PCNT: variants seen among roughly 807,000 people sequenced by gnomAD.
PCNT encodes the protein pericentrin, also known as kendrin.
In PCNT, 319 loss-of-function variants were observed where a neutral mutation model predicts 380.4. The ratio of observed to expected loss-of-function variants is 0.84; its 90% CI spans 0.77 to 0.92. The LOEUF is 0.92. Ranked by LOEUF, PCNT falls within the 40% of genes least tolerant of loss-of-function variation. The pLI is 0.00. For missense variants in PCNT, 4,400 were observed against 4,255.3 expected, an observed-to-expected ratio of 1.03 and a Z score of -0.95; for synonymous variants, 1,845 against 1,735.2, an observed-to-expected ratio of 1.06 and a Z score of -1.57.
In PCNT at chr21:46,385,841, C is replaced by G. The variant is rs2085810535; in HGVS notation, c.3322C>G (p.Gln1108Glu). 6.2e-7 allele frequency: 1 copy of G among 1,614,050 alleles called. No homozygotes were observed. The highest frequency in any genetic ancestry group is 1.1e-5 in the South Asian group (1 of 91,080). The change falls in exon 17 of 47, where the codon CAG (glutamine) becomes GAG (glutamate). Residue 1108 changes from glutamine to glutamate, a missense_variant. Gln to Glu is a conservative substitution (Grantham distance 29). Coordinates refer to ENST00000359568, the MANE Select transcript of PCNT (RefSeq NM_006031.6). ...KNHQVQQLKD[Q>E]VLSLSHEIEE... is the part of the protein sequence containing the mutation. ...CCATTTTTCTCGATAGCTGAAAGAC[C>G]AGGTTTTATCCTTAAGTCACGAGAT...
At chr21:46,357,945 A>G (rs2084536358) in intron 13 of PCNT, among the ~76,000 whole-genome samples, 1 of 152,258 alleles carries the variant, frequency 6.6e-6, no homozygotes, top group South Asian at 2.1e-4. Context: ...GGACACTGCC[A>G]TGCTGTCATA....
At chr21:46,372,632 C>T (rs1175631674) in intron 15 of PCNT, among the ~76,000 whole-genome samples, 1 of 152,206 alleles carries the variant, frequency 6.6e-6, no homozygotes, top group Non-Finnish European at 1.5e-5. Flanking sequence ...TAAACAAGGA[C>T]ATGCTAAGAT....
At chr21:46,368,203 T>C (rs2084993851) in intron 15 of PCNT, among the ~76,000 whole-genome samples, 1 of 151,906 alleles carries the variant, frequency 6.6e-6, no homozygotes, top group Admixed American at 6.6e-5. Context: ...CCCAGCACTT[T>C]GGGAGGCCAA....
At chr21:46,438,029 C>A in intron 40 of PCNT, 135 bp from the exon 41 acceptor site, 1 of 753,014 alleles carries the variant, frequency 1.3e-6, no homozygotes, top group Non-Finnish European at 2.2e-6. Context: ...CAATTTTCTG[C>A]CAGCTCCACA....
At chr21:46,364,581 G>A (rs1457403740) in intron 14 of PCNT, among the ~76,000 whole-genome samples, 2 of 152,222 alleles carry the variant, frequency 1.3e-5, no homozygotes, top group Non-Finnish European at 2.9e-5. Context: ...ACTTAAACAG[G>A]TGATTTTTAA....
intron 2 of PCNT, among the ~76,000 whole-genome samples, chr21:46,328,157 T>G (rs1175329203): frequency 6.6e-6 from 1 of 152,206 alleles, no homozygotes; most frequent in Admixed American, 6.5e-5. Flanking sequence ...CTTAAAAAAT[T>G]GAGTTGTTGG....
At chr21:46,355,967 T>C (rs1038285626) in intron 12 of PCNT, among the ~76,000 whole-genome samples, 1 of 152,096 alleles carries the variant, frequency 6.6e-6, no homozygotes, top group African/African-American at 2.4e-5. Flanking sequence ...CAGGGGAGGC[T>C]TTTCCAGGAT....
chr21:46,361,356 A>G (rs2084709793), intron 13 of PCNT, among the ~76,000 whole-genome samples: 1 of 152,280 alleles, frequency 6.6e-6, no homozygotes, highest in African/African-American at 2.4e-5. Flanking sequence ...ACGCCACTGC[A>G]TTCCAGCCTG....
At chr21:46,430,465 C>G (rs1187082406) in intron 36 of PCNT, 42 bp from the exon 37 acceptor site, 2 of 1,548,786 alleles carry the variant, frequency 1.3e-6, no homozygotes, top group South Asian at 2.4e-5. Flanking sequence ...GGAACACACT[C>G]TGGCCCACGT....
In PCNT at chr21:46,385,862, G is replaced by A. The variant is rs754952117; in HGVS notation, c.3343G>A (p.Glu1115Lys). 1 of 1,614,162 alleles carries A rather than the reference G, an allele frequency of 6.2e-7. No individual in the cohort carries two copies. The change falls in exon 17 of 47, where the codon GAG becomes AAG. Residue 1115 changes from glutamate to lysine, a missense_variant. Physicochemically the swap from Glu to Lys is moderately conservative, Grantham distance 56. Transcript: ENST00000359568. ...AGACCAGGTTTTATCCTTAAGTCACGAGATAGAAGAGTGCCGCTCCGAGTT... is the reference window on the plus strand; with the variant it reads ...AGACCAGGTTTTATCCTTAAGTCACAAGATAGAAGAGTGCCGCTCCGAGTT... ...LKDQVLSLSHEIEECRSELEV... is the reference protein window; with the variant it reads ...LKDQVLSLSHKIEECRSELEV...
intron 16 of PCNT, among the ~76,000 whole-genome samples, chr21:46,385,530 G>A (rs2147227386): frequency 1.3e-5 from 2 of 152,312 alleles, no homozygotes; most frequent in South Asian, 4.1e-4. Context: ...GATGAATAAT[G>A]GAGGAAAAAC....
intron 14 of PCNT, among the ~76,000 whole-genome samples, chr21:46,366,029 T>TTCACTGCCTTGGGGTTCTATTCAC (rs1402755877): frequency 1.4e-4 from 21 of 151,056 alleles, no homozygotes; most frequent in South Asian, 4.2e-4. Context: ...GTTCTATTCA[T>TTCACTGCCTTGGGGTTCTATTCAC]TCACTGCCTT....
intron 27 of PCNT, among the ~76,000 whole-genome samples, chr21:46,403,872 C>T (rs1233099039): frequency 6.9e-6 from 1 of 145,722 alleles, no homozygotes. Flanking sequence ...GCCCACGCGG[C>T]GTGTGCTCGG....
At position 46,366,988 on chromosome 21, in the gene PCNT, ACT is replaced by A. The variant is rs764602074; in HGVS notation, c.3019_3020del (p.Leu1007SerfsTer50). The A allele has an allele frequency of 4.3e-6, 7 of 1,613,906 alleles. No individual in the cohort carries two copies. Among genetic ancestry groups the A allele is most frequent in the Non-Finnish European group, 5.9e-6 (7 of 1,180,016 alleles). On this transcript the variant is annotated frameshift_variant, in exon 15 of 47. Transcript: ENST00000359568. LOFTEE classifies it high-confidence loss of function. ...TTTGAGGAACAACTGTGGAAAAAGGACTCTCTTCACCAAACGATTTTGACTCA... is the reference window on the plus strand; with the variant it reads ...TTTGAGGAACAACTGTGGAAAAAGGACTCTTCACCAAACGATTTTGACTCA...
rs2086463627 is a variant in PCNT, at chr21:46,402,555, C to T, written c.5115+72C>T. 4.6e-6 allele frequency: 7 copies of T among 1,529,204 alleles called. No individual in the cohort carries two copies. The South Asian group carries it at 6.7e-5, about 15-fold the overall frequency. The allele number at this position is 1,529,204 out of a possible 1,614,324, so 94.7% of individuals were successfully genotyped here. A position where few individuals can be genotyped will look rare whatever the true frequency, so the allele number is the denominator to read the frequency against. Reference sequence around the variant, plus strand: ...GCCGGTGCCGAGCGGCCACCAAGACCCTCATCGGGGAGGCGAGTCTCTGGT... The same window carrying T: ...GCCGGTGCCGAGCGGCCACCAAGACTCTCATCGGGGAGGCGAGTCTCTGGT... On this transcript the variant is annotated intron_variant, in intron 27 of 46. Coordinates refer to ENST00000359568, the MANE Select transcript of PCNT (RefSeq NM_006031.6).
chr21:46,325,550 T>C (rs1483491620), intron 1 of PCNT, among the ~76,000 whole-genome samples: 1 of 152,268 alleles, frequency 6.6e-6, no homozygotes, highest in East Asian at 1.9e-4. Flanking sequence ...GACCATTTTC[T>C]TGTGTAAATG....
intron 2 of PCNT, among the ~76,000 whole-genome samples, chr21:46,327,022 AAAAC>A (rs2083417082): frequency 6.6e-6 from 1 of 151,890 alleles, no homozygotes. Flanking sequence ...CAAAAAAAAA[AAAAC>A]AGTGAGTAAA....
At chr21:46,339,625 G>A (rs976484317) in intron 3 of PCNT, among the ~76,000 whole-genome samples, 1 of 152,126 alleles carries the variant, frequency 6.6e-6, no homozygotes, top group East Asian at 1.9e-4. Context: ...GTCCTTCCAC[G>A]CTCTTCTGCC....
intron 37 of PCNT, 141 bp from the exon 38 acceptor site, chr21:46,431,388 G>A: frequency 1.3e-6 from 2 of 1,489,908 alleles, no homozygotes; most frequent in South Asian, 1.3e-5. Flanking sequence ...AAAAAATGTT[G>A]TCCCTACATG....
Sources: allele counts gnomAD v4.1 joint callset (sites outside exome capture counted in the v4.1 genomes callset), GRCh38; gene constraint gnomAD v4.1.1; transcripts MANE v1.5; gene names NCBI Gene and HGNC (gene_info 2026-07-23, HGNC 2026-07-21).